The following FAM3D variants were observed in gnomAD, a reference collection of about 807,000 sequenced individuals.
FAM3D encodes FAM3 metabolism regulating signaling molecule D.
FAM3D carries 26 observed loss-of-function variants against 29.8 expected under a neutral mutation model. The observed-to-expected ratio is 0.87, with a 90% CI of 0.64 to 1.21. The LOEUF is 1.21. Ranked by LOEUF, FAM3D falls within the 50% of genes most tolerant of loss-of-function variation. The pLI is 0.00. For missense variants in FAM3D, 253 were observed against 290.9 expected, an observed-to-expected ratio of 0.87 and a Z score of 0.95; for synonymous variants, 115 against 102.3, an observed-to-expected ratio of 1.12 and a Z score of -0.75.
chr3:58,665,696 G>C (rs2067016482), intron 1 of FAM3D, among the ~76,000 whole-genome samples: 2 of 152,208 alleles, frequency 1.3e-5, no homozygotes, highest in Non-Finnish European at 2.9e-5. Context: ...CAAAAGCTTT[G>C]CAGCCAGATT....
rs147715022 is a variant in FAM3D at position 58,657,383 on chromosome 3, AAG to A, written c.-38-1784_-38-1783del. ...GGAGAGAAGGGGCGGGGTGGTGGGG[AAG>A]AGAGAGAGAGAGAGAGAGAATGAGA... On this transcript the variant is annotated intron_variant, in intron 1 of 9. Coordinates refer to ENST00000358781, the MANE Select transcript of FAM3D (RefSeq NM_138805.3). 2.3e-3 allele frequency: 330 copies of A among 145,974 alleles called. 1 individual carries two copies. The highest frequency in any genetic ancestry group is 2.1e-3 in the Non-Finnish European group (140 of 66,514). The allele number at this position is 145,974 out of a possible 1,614,324, so 9.0% of individuals were successfully genotyped here. A position where few individuals can be genotyped will look rare whatever the true frequency, so the allele number is the denominator to read the frequency against.
intron 7 of FAM3D, among the ~76,000 whole-genome samples, chr3:58,638,595 A>T (rs932451303): frequency 6.6e-6 from 1 of 152,244 alleles, no homozygotes; most frequent in African/African-American, 2.4e-5. Context: ...ATAAAAAATG[A>T]TTAAGTATTT....
chr3:58,650,357 G>A (rs1412781139), intron 3 of FAM3D, among the ~76,000 whole-genome samples: 1 of 152,196 alleles, frequency 6.6e-6, no homozygotes, highest in Non-Finnish European at 1.5e-5. Context: ...TGGAGACAGA[G>A]CCCTTCCCTA....
chr3:58,640,103 T>C, intron 7 of FAM3D, 24 bp downstream of exon 7: 1 of 1,613,832 alleles, frequency 6.2e-7, no homozygotes, highest in Non-Finnish European at 8.5e-7. Flanking sequence ...CGACTGTGAC[T>C]TCAGTGTCAG....
rs983650837 is a variant in FAM3D at position 58,634,885 on chromosome 3, A to C, written c.586-517T>G. On this transcript the variant is annotated intron_variant, in intron 9 of 9. Coordinates refer to ENST00000358781, the MANE Select transcript of FAM3D (RefSeq NM_138805.3). The surrounding 1 kb of genome is among the most constrained non-coding windows in gnomAD (Gnocchi z 4.6). ...CACCACATAATATTAATTAATACTA[A>C]TAATAAGGGGTGGGGTGCAGTGGCT... Among the ~76,000 whole-genome samples, 1 of 152,062 alleles carries C rather than the reference A, an allele frequency of 6.6e-6. No individual in the cohort carries two copies. The highest frequency in any genetic ancestry group is 1.5e-5 in the Non-Finnish European group (1 of 68,012).
intron 6 of FAM3D, among the ~76,000 whole-genome samples, chr3:58,640,886 G>A (rs2066308764): frequency 1.3e-5 from 2 of 152,266 alleles, no homozygotes; most frequent in African/African-American, 4.8e-5. Context: ...CAGGTGGCGC[G>A]AGCAGGCTCG....
At chr3:58,655,454 G>T in intron 2 of FAM3D, 97 bp downstream of exon 2, 1 of 1,514,264 alleles carries the variant, frequency 6.6e-7, no homozygotes, top group South Asian at 1.2e-5. Flanking sequence ...ATTCGGGCCT[G>T]ACCATTTGAG....
chr3:58,651,272 A>G (rs1281526167), intron 3 of FAM3D, among the ~76,000 whole-genome samples: 3 of 152,232 alleles, frequency 2.0e-5, no homozygotes, highest in Non-Finnish European at 2.9e-5. Context: ...AATTTGTGCT[A>G]TAGTAATATA....
chr3:58,660,048 G>C (rs902715783), intron 1 of FAM3D, among the ~76,000 whole-genome samples: 1 of 152,198 alleles, frequency 6.6e-6, no homozygotes, highest in Non-Finnish European at 1.5e-5. Flanking sequence ...TCATAGCAGG[G>C]GGTGAATTCT....
At chr3:58,649,048 G>T (rs1490030729) in intron 4 of FAM3D, among the ~76,000 whole-genome samples, 1 of 152,192 alleles carries the variant, frequency 6.6e-6, no homozygotes, top group Admixed American at 6.5e-5. Flanking sequence ...GACTGCAGCA[G>T]GGGTACTGGA....
chr3:58,659,085 T>G (rs1413886201), intron 1 of FAM3D, among the ~76,000 whole-genome samples: 1 of 152,152 alleles, frequency 6.6e-6, no homozygotes, highest in Non-Finnish European at 1.5e-5. Context: ...AGGCTTTGAT[T>G]TCTTCCTTTG....
intron 1 of FAM3D, among the ~76,000 whole-genome samples, chr3:58,666,063 T>G (rs973658068): frequency 1.3e-5 from 2 of 152,192 alleles, no homozygotes; most frequent in African/African-American, 4.8e-5. Flanking sequence ...AAAAATGAGA[T>G]TTGGGGCCAA....
At chr3:58,647,193 A>T (rs564970268) in intron 4 of FAM3D, among the ~76,000 whole-genome samples, 35 of 152,284 alleles carry the variant, frequency 2.3e-4, no homozygotes, top group African/African-American at 8.2e-4. Context: ...GTGGAACTGA[A>T]CTCAAACCAT....
chr3:58,653,810 ACCACAGAGC>A, intron 2 of FAM3D, 29 bp from the exon 3 acceptor site: 1 of 1,578,494 alleles, frequency 6.3e-7, no homozygotes, highest in Non-Finnish European at 8.7e-7. Flanking sequence ...CTGCCAGGAG[ACCACAGAGC>A]CAAGACCACA....
intron 1 of FAM3D, among the ~76,000 whole-genome samples, chr3:58,662,133 T>A (rs1215707723): frequency 6.9e-6 from 1 of 144,816 alleles, no homozygotes; most frequent in East Asian, 2.1e-4. Flanking sequence ...ACAAACTGGA[T>A]CAGGGTGGGG....
rs561901884 is a variant in FAM3D, at chr3:58,645,256, T to C, written c.263+253A>G. On this transcript the variant is annotated intron_variant, in intron 5 of 9. Transcript: ENST00000358781. ...CCCCACTATCCTCATCTTTACATTC[T>C]CCTGGGGATAATATCCCCACCTCCC... Among the ~76,000 whole-genome samples, 3 of 152,254 alleles carry C rather than the reference T, an allele frequency of 2.0e-5. No homozygotes were observed. In the East Asian group the frequency reaches 5.8e-4, roughly 29 times the overall value.
chr3:58,644,703 G>A (rs999739679), intron 5 of FAM3D, among the ~76,000 whole-genome samples: 1 of 152,164 alleles, frequency 6.6e-6, no homozygotes, highest in Non-Finnish European at 1.5e-5. Flanking sequence ...AGGGTGCTAG[G>A]CTGGGCTAAT....
At position 58,635,071 on chromosome 3, in the gene FAM3D, A is replaced by T. The variant is rs2066123798; in HGVS notation, c.586-703T>A. Among the ~76,000 whole-genome samples, 1 of 152,126 alleles carries T rather than the reference A, an allele frequency of 6.6e-6. No individual in the cohort carries two copies. The highest frequency in any genetic ancestry group is 1.5e-5 in the Non-Finnish European group (1 of 68,020). Reference sequence around the variant, plus strand: ...ATGCCTGTGGTCCCAGCTACTCAGGAGGCAGAGGCGGGAGGATCGCTTGAG... The same window carrying T: ...ATGCCTGTGGTCCCAGCTACTCAGGTGGCAGAGGCGGGAGGATCGCTTGAG... On this transcript the variant is annotated intron_variant, in intron 9 of 9. Transcript: ENST00000358781. This position sits in a 1 kb window ranked among gnomAD's most constrained non-coding sequence, Gnocchi z 5.2.
At chr3:58,659,083 A>G (rs1006128202) in intron 1 of FAM3D, among the ~76,000 whole-genome samples, 1 of 152,084 alleles carries the variant, frequency 6.6e-6, no homozygotes, top group South Asian at 2.1e-4. Context: ...CCAGGCTTTG[A>G]TTTCTTCCTT....
Sources: gnomAD v4.1 joint callset for allele counts (sites outside exome capture counted in the v4.1 genomes callset) on GRCh38, gnomAD v4.1.1 for gene constraint, Gnocchi (gnomAD v3.1) non-coding constraint, MANE v1.5 for transcripts, NCBI Gene and HGNC (gene_info 2026-07-23, HGNC 2026-07-21) for gene names.